KIF22: variants seen among roughly 807,000 people sequenced by gnomAD.
KIF22 encodes the protein kinesin-like protein KIF22.
KIF22 carries 62 observed loss-of-function variants against 73.0 expected under a neutral mutation model. The observed-to-expected ratio is 0.85, with a 90% CI of 0.69 to 1.05. The LOEUF (loss-of-function observed/expected upper bound fraction) is 1.05, where lower values mean the gene tolerates loss of function less well. Ranked by LOEUF, KIF22 falls within the 50% of genes least tolerant of loss-of-function variation. KIF22 has a pLI of 0.00. For missense variants in KIF22, 854 were observed against 870.1 expected (o/e 0.98, Z 0.23); for synonymous variants, 411 against 340.1 (o/e 1.21, Z -2.29).
At chr16:29,794,673 C>A (rs915957015) in intron 1 of KIF22, among the ~76,000 whole-genome samples, 1 of 152,124 alleles carries the variant, frequency 6.6e-6, no homozygotes, top group South Asian at 2.1e-4. Flanking sequence ...CCTCCACTTC[C>A]CGCATTCAAG....
chr16:29,791,191 A>G, intron 1 of KIF22: 4 of 1,128,646 alleles, frequency 3.5e-6, no homozygotes. Context: ...CGGACGCTCT[A>G]GCCACGAGGA....
intron 10 of KIF22, 98 bp from the exon 11 acceptor site, chr16:29,803,900 G>A (rs966565263): frequency 3.2e-6 from 3 of 926,824 alleles, no homozygotes; most frequent in Admixed American, 3.6e-5. Context: ...TCTGGATGGA[G>A]GGGAGCTGGG....
chr16:29,803,081 G>A (rs1899197791), intron 9 of KIF22, 144 bp downstream of exon 9: 1 of 824,754 alleles, frequency 1.2e-6, no homozygotes, highest in East Asian at 2.6e-5. Context: ...CTGCTTGAAT[G>A]TCCTTAACAT....
At chr16:29,796,836 CCTGCTTCTT>C (rs1445367162) in intron 1 of KIF22, 48 bp from the exon 2 acceptor site, 11 of 1,571,794 alleles carry the variant, frequency 7.0e-6, no homozygotes, top group Non-Finnish European at 9.6e-6. Context: ...AAAGTTGGTC[CCTGCTTCTT>C]CTGCTACCAC....
In KIF22 at chr16:29,798,669, C is replaced by T; in HGVS notation, c.471C>T (p.Leu157=). ...GGGCTCTCATGGACCTCCTGCAGCT[C>T]ACAAGGGAGGAGGGTGCCGAGGGCC... The part of the protein sequence containing the change: ...IPRALMDLLQ[L]TREEGAEGRP... The change falls in exon 4 of 14, where the codon CTC becomes CTT. Residue 157 remains leucine, a synonymous_variant. Transcript: ENST00000160827. The surrounding 1 kb of genome is among the most constrained non-coding windows in gnomAD (Gnocchi z 4.1). 1 of 1,614,152 alleles carries T rather than the reference C, an allele frequency of 6.2e-7. No homozygotes were observed. Among genetic ancestry groups the T allele is most frequent in the South Asian group, 1.1e-5 (1 of 91,086 alleles).
chr16:29,793,192 C>T (rs541894828), intron 1 of KIF22, among the ~76,000 whole-genome samples: 22 of 152,272 alleles, frequency 1.4e-4, no homozygotes, highest in African/African-American at 5.3e-4. Flanking sequence ...CCTGTAATCC[C>T]AGCATTTTGG....
chr16:29,805,278 C>T lies in KIF22; in HGVS notation c.1966C>T (p.Leu656Phe). 6.2e-7 allele frequency: 1 copy of T among 1,613,976 alleles called. No individual in the cohort carries two copies. The highest frequency in any genetic ancestry group is 1.1e-5 in the South Asian group (1 of 91,092). Reference sequence around the variant, plus strand: ...TGTGTTGCAGGCAAACATCCTGGGTCTCGCCGCCGGCCAGCGCTGTGGCGC... The same window carrying T: ...TGTGTTGCAGGCAAACATCCTGGGTTTCGCCGCCGGCCAGCGCTGTGGCGC... ...ESFLKANILG[L>F]AAGQRCGAS Residue 656 changes from leucine to phenylalanine, a missense_variant, in exon 14 of 14, where the codon CTC (leucine) becomes TTC (phenylalanine). Coordinates refer to ENST00000160827, the MANE Select transcript of KIF22 (RefSeq NM_007317.3).
intron 9 of KIF22, 37 bp from the exon 10 acceptor site, chr16:29,803,412 T>A: frequency 6.2e-7 from 1 of 1,609,638 alleles, no homozygotes; most frequent in Non-Finnish European, 8.5e-7. Context: ...GCCCTGGAGT[T>A]GGGTCTGGAT....
rs555996211 is a variant in KIF22 at position 29,803,050 on chromosome 16, A to G, written c.1449+113A>G. On this transcript the variant is annotated intron_variant, in intron 9 of 13. Coordinates refer to ENST00000160827, the MANE Select transcript of KIF22 (RefSeq NM_007317.3). ...TGGACTAGAGTCCAGTTTTCTCCCA[A>G]TACCGGAAGTTCTCCAGCTTCTGCT... 324 of 1,054,152 alleles carry G rather than the reference A, an allele frequency of 3.1e-4. 2 individuals carry two copies. In the African/African-American group the frequency reaches 4.4e-3, roughly 14 times the overall value. The allele number at this position is 1,054,152 out of a possible 1,614,324, so 65.3% of individuals were successfully genotyped here.
chr16:29,792,784 C>A (rs1898851605), intron 1 of KIF22, among the ~76,000 whole-genome samples: 1 of 152,036 alleles, frequency 6.6e-6, no homozygotes, highest in African/African-American at 2.4e-5. Context: ...TCCAAAGGTG[C>A]AAGAGAACTT....
chr16:29,790,997 G>T, intron 1 of KIF22, 168 bp downstream of exon 1: 1 of 1,459,694 alleles, frequency 6.9e-7, no homozygotes, highest in Non-Finnish European at 9.1e-7. Flanking sequence ...CGGTCGCCCC[G>T]CCTGGCTCCT....
intron 1 of KIF22, chr16:29,791,091 TTTTCTTTGTGAGC>T: frequency 7.3e-7 from 1 of 1,366,566 alleles, no homozygotes; most frequent in Admixed American, 3.5e-5. Context: ...CCCGCGCACT[TTTTCTTTGTGAGC>T]TTCGGTTTCT....
chr16:29,799,198 C>T lies in KIF22; in HGVS notation c.759+14C>T, dbSNP rs756629323. ...CTCCTGGTCAAGGTGAGGCCGCAGA[C>T]AGGGGCGAGGACCTGGGAAGCCCAG... On this transcript the variant is annotated intron_variant, in intron 5 of 13. Coordinates refer to ENST00000160827, the MANE Select transcript of KIF22 (RefSeq NM_007317.3). 74 of 1,612,044 alleles carry T rather than the reference C, an allele frequency of 4.6e-5. No homozygotes were observed. The highest frequency in any genetic ancestry group is 6.0e-5 in the Non-Finnish European group (71 of 1,179,018).
chr16:29,798,435 C>G lies in KIF22; in HGVS notation c.328C>G (p.Pro110Ala), dbSNP rs778047792. Residue 110 changes from proline (P) to alanine (A), a missense_variant, in exon 3 of 14, where the codon CCC becomes GCC. Coordinates refer to ENST00000160827, the MANE Select transcript of KIF22 (RefSeq NM_007317.3). The surrounding 1 kb of genome is among the most constrained non-coding windows in gnomAD (Gnocchi z 4.1). ...GGACATCTATGCAGGTTCAGTGCAG[C>G]CCATCCTAAGGCACTTGCTGGAAGG... ...QQDIYAGSVQ[P>A]ILRHLLEGQN... The G allele has an allele frequency of 6.2e-7, 1 of 1,614,132 alleles. No individual in the cohort carries two copies. The highest frequency in any genetic ancestry group is 8.5e-7 in the Non-Finnish European group (1 of 1,180,042).
In KIF22 at chr16:29,798,519, G is replaced by A. The variant is rs758416190; in HGVS notation, c.394+18G>A. The stretch of plus-strand genomic sequence containing the variant: ...AGGAGCTGGTGAGGGAGCCAGAAAA[G>A]AAACAGCTATGGGTCAGAAAGGGCT... On this transcript the variant is annotated intron_variant, in intron 3 of 13. Coordinates refer to ENST00000160827, the MANE Select transcript of KIF22 (RefSeq NM_007317.3). The surrounding 1 kb of genome is among the most constrained non-coding windows in gnomAD (Gnocchi z 4.1). 6 of 1,614,044 alleles carry A rather than the reference G, an allele frequency of 3.7e-6. No individual in the cohort carries two copies. The South Asian group carries it at 5.5e-5, about 15-fold the overall frequency.
Position 29,805,358 on chromosome 16 carries a change from TTGTGTAA to T in KIF22, c.*49_*55del. On this transcript the variant is annotated 3_prime_UTR_variant, in exon 14 of 14. Transcript: ENST00000160827. ...TTTCAAATTTTTGTATAACCCCGTG[TTGTGTAA>T]ATACAGTTTTTGCTCCGGTGCTTCC... 6.3e-7 allele frequency: 1 copy of T among 1,587,644 alleles called. No individual in the cohort carries two copies. The highest frequency in any genetic ancestry group is 8.6e-7 in the Non-Finnish European group (1 of 1,163,552).
rs1364263034 is a variant in KIF22 at position 29,804,189 on chromosome 16, ACCTC to A, written c.1677+125_1677+128del. 61 of 764,926 alleles carry A rather than the reference ACCTC, an allele frequency of 8.0e-5. No homozygotes were observed. The Admixed American group carries it at 1.2e-3, about 15-fold the overall frequency. 47.4% of individuals were successfully genotyped at this position (764,926 alleles called of 1,614,324 possible). On this transcript the variant is annotated intron_variant, in intron 11 of 13. Transcript: ENST00000160827. ...GATGATGGCCGCCAGCTACTAACAG[ACCTC>A]AACTTGCTTACCCCTGGAATGTGGT... is the stretch of plus-strand genomic sequence containing the variant.
intron 9 of KIF22, 135 bp from the exon 10 acceptor site, chr16:29,803,314 T>C (rs1899206911): frequency 9.9e-7 from 1 of 1,010,154 alleles, no homozygotes; most frequent in East Asian, 2.5e-5. Context: ...TCCACCTGTC[T>C]CCTGGTAACC....
At chr16:29,794,497 C>T (rs1898899990) in intron 1 of KIF22, among the ~76,000 whole-genome samples, 1 of 152,128 alleles carries the variant, frequency 6.6e-6, no homozygotes, top group Non-Finnish European at 1.5e-5. Context: ...GCTGGGATTT[C>T]AACCCAGGCC....
Sources: gnomAD v4.1 joint callset for allele counts (sites outside exome capture counted in the v4.1 genomes callset) on GRCh38, gnomAD v4.1.1 for gene constraint, Gnocchi (gnomAD v3.1) non-coding constraint, MANE v1.5 for transcripts, NCBI Gene and HGNC (gene_info 2026-07-23, HGNC 2026-07-21) for gene names.